Variants in TXNRD2 observed in about 807,000 individuals in gnomAD.
TXNRD2 encodes thioredoxin reductase 2.
TXNRD2 carries 67 observed loss-of-function variants against 70.8 expected under a neutral mutation model. The observed-to-expected ratio is 0.95, with a 90% confidence interval of 0.78 to 1.16. The LOEUF (loss-of-function observed/expected upper bound fraction) is 1.16, where lower values mean the gene tolerates loss of function less well. TXNRD2 is among the 50% of genes most tolerant of loss of function. The pLI, the probability that TXNRD2 is intolerant of heterozygous loss-of-function variation, is 0.00. For missense variants in TXNRD2, 644 were observed against 719.9 expected, an observed-to-expected ratio of 0.89 and a Z score of 1.21; for synonymous variants, 301 against 295.8, an observed-to-expected ratio of 1.02 and a Z score of -0.18.
chr22:19,905,644 G>T (rs1221158400), intron 8 of TXNRD2, among the ~76,000 whole-genome samples: 2 of 152,136 alleles, frequency 1.3e-5, no homozygotes, highest in African/African-American at 2.4e-5. Flanking sequence ...TCCTGGGGCT[G>T]CCAGACATCC....
intron 8 of TXNRD2, among the ~76,000 whole-genome samples, chr22:19,901,226 C>T (rs1939764266): frequency 6.6e-6 from 1 of 152,222 alleles, no homozygotes; most frequent in Admixed American, 6.5e-5. Flanking sequence ...ACTCTCCAGG[C>T]CCTCCCTCGG....
At chr22:19,886,121 G>A (rs1228248342) in intron 11 of TXNRD2, among the ~76,000 whole-genome samples, 1 of 152,264 alleles carries the variant, frequency 6.6e-6, no homozygotes, top group African/African-American at 2.4e-5. Context: ...CTTCGGGAAT[G>A]AACAGCAAAA....
At chr22:19,940,272 A>T (rs1941665269) in intron 1 of TXNRD2, among the ~76,000 whole-genome samples, 1 of 144,796 alleles carries the variant, frequency 6.9e-6, no homozygotes, top group African/African-American at 2.5e-5. Flanking sequence ...AAAAACCCCA[A>T]AAAAACAACT....
intron 7 of TXNRD2, among the ~76,000 whole-genome samples, chr22:19,913,772 A>C (rs1940514749): frequency 6.6e-6 from 1 of 152,194 alleles, no homozygotes; most frequent in Admixed American, 6.5e-5. Flanking sequence ...AGAAGCAGGA[A>C]GTGAAGGCTA....
Position 19,878,430 on chromosome 22 carries a change from T to C in TXNRD2, c.1283A>G (p.His428Arg). 1 of 1,613,456 alleles carries C rather than the reference T, an allele frequency of 6.2e-7. No homozygotes were observed. Among genetic ancestry groups the C allele is most frequent in the South Asian group, 1.1e-5 (1 of 91,080 alleles). ...GAACTCCAGTGGTTTATAATGGGCG[T>C]GATAGACCTGAGGACAGGATACCAA... ...RHGQEHVEVY[H>R]AHYKPLEFTV... Residue 428 changes from histidine to arginine, a missense_variant, in exon 15 of 18, where the codon CAC becomes CGC. By Grantham distance (29) the His-to-Arg change is conservative. This residue lies in a region of TXNRD2 where 566 missense variants were observed against 645.0 expected (regional missense o/e 0.88). Coordinates refer to ENST00000400521, the MANE Select transcript of TXNRD2 (RefSeq NM_006440.5).
intron 17 of TXNRD2, chr22:19,876,729 C>T: frequency 5.9e-6 from 1 of 170,412 alleles, no homozygotes; most frequent in Non-Finnish European, 1.2e-5. Flanking sequence ...CTTTAGCCCA[C>T]CCGGGACACC....
intron 1 of TXNRD2, 53 bp downstream of exon 1, chr22:19,941,648 G>A: frequency 7.1e-7 from 1 of 1,411,118 alleles, no homozygotes; most frequent in South Asian, 1.5e-5. Flanking sequence ...CCCTCACGAG[G>A]ACACCCCGGC....
chr22:19,892,614 G>A lies in TXNRD2; in HGVS notation c.949+2793C>T, dbSNP rs1939315607. ...CGGCTTTCCGGGGACACAGCCCCCG[G>A]CCCATTGGTCTGCTACATCCCTATG... On this transcript the variant is annotated intron_variant, in intron 11 of 17. Transcript: ENST00000400521. 2.0e-5 allele frequency among the ~76,000 whole-genome samples: 3 copies of A among 152,224 alleles called. No homozygotes were observed. In the South Asian group the frequency reaches 6.2e-4, roughly 31 times the overall value.
chr22:19,883,324 C>A lies in TXNRD2; in HGVS notation c.1086+1G>T. ...CCCTGGTCCCGGGACGCATGCCGTA[C>A]CTCCACCACGTCACCAATGGCGTAG... On this transcript the variant is annotated splice_donor_variant, in intron 12 of 17. Coordinates refer to ENST00000400521, the MANE Select transcript of TXNRD2 (RefSeq NM_006440.5). LOFTEE classifies it high-confidence loss of function. The A allele has an allele frequency of 1.2e-6, 2 of 1,613,384 alleles. No homozygotes were observed. Among genetic ancestry groups the A allele is most frequent in the Non-Finnish European group, 1.7e-6 (2 of 1,179,822 alleles).
At chr22:19,925,367 T>C (rs1430686022) in intron 2 of TXNRD2, among the ~76,000 whole-genome samples, 1 of 151,656 alleles carries the variant, frequency 6.6e-6, no homozygotes, top group Non-Finnish European at 1.5e-5. Context: ...CTGAGAGAAT[T>C]CATTACCCCC....
intron 15 of TXNRD2, 49 bp from the exon 16 acceptor site, chr22:19,878,236 G>GTCCACCCTGCA: frequency 6.3e-7 from 1 of 1,598,886 alleles, no homozygotes; most frequent in Middle Eastern, 1.7e-4. Flanking sequence ...GCTGGGTTGC[G>GTCCACCCTGCA]TCCACCCTGC....
chr22:19,875,565 G>A lies in TXNRD2; in HGVS notation c.*308C>T, dbSNP rs565361229. On this transcript the variant is annotated 3_prime_UTR_variant, in exon 18 of 18. Transcript: ENST00000400521. ...TTTATTTGCATTGCAGAAATGCCAG[G>A]GGGCTCGGACATGGGTGCCCACAGG... The A allele has an allele frequency of 1.2e-4, 19 of 152,374 alleles. No individual in the cohort carries two copies. In the East Asian group the frequency reaches 3.5e-3, roughly 28 times the overall value. 9.4% of individuals were successfully genotyped at this position (152,374 alleles called of 1,614,324 possible).
chr22:19,886,837 A>C (rs560512745), intron 11 of TXNRD2, among the ~76,000 whole-genome samples: 1 of 152,296 alleles, frequency 6.6e-6, no homozygotes, highest in South Asian at 2.1e-4. Context: ...CTGGGGTAGG[A>C]CAGGCACTCT....
Position 19,940,713 on chromosome 22 carries a change from T to C in TXNRD2, c.103+988A>G, listed in dbSNP as rs758824681. On this transcript the variant is annotated intron_variant, in intron 1 of 17. Coordinates refer to ENST00000400521, the MANE Select transcript of TXNRD2 (RefSeq NM_006440.5). ...CCAGCACGGGTGCATTTAACCTTCC[T>C]GAGCTTGCCCACCTGACGCATGCAG... is the stretch of plus-strand genomic sequence containing the variant. Among the ~76,000 whole-genome samples, 15 of 152,180 alleles carry C rather than the reference T, an allele frequency of 9.9e-5. 1 individual carries two copies. Among genetic ancestry groups the C allele is most frequent in the Non-Finnish European group, 1.3e-4 (9 of 68,028 alleles).
At chr22:19,925,094 C>G (rs923137256) in intron 2 of TXNRD2, among the ~76,000 whole-genome samples, 2 of 149,864 alleles carry the variant, frequency 1.3e-5, no homozygotes, top group African/African-American at 5.0e-5. Context: ...ACCATCCTGG[C>G]TAACACGGCG....
At chr22:19,926,094 C>T (rs1004952411) in intron 2 of TXNRD2, among the ~76,000 whole-genome samples, 3 of 146,922 alleles carry the variant, frequency 2.0e-5, no homozygotes, top group African/African-American at 7.6e-5. Context: ...ACCTGGGAGG[C>T]GGAGGTTGCG....
chr22:19,906,494 C>A (rs1281321817), intron 8 of TXNRD2, among the ~76,000 whole-genome samples: 1 of 151,974 alleles, frequency 6.6e-6, no homozygotes, highest in South Asian at 2.1e-4. Flanking sequence ...TGGTGGCGAG[C>A]GCCTGTAATC....
rs559713446 is a variant in TXNRD2 at position 19,890,202 on chromosome 22, G to A, written c.949+5205C>T. ...GTCTCAGGAGCAGCAGCGCACGCCC[G>A]GGGCCACGTGGTGTGGAGGGGAAGG... On this transcript the variant is annotated intron_variant, in intron 11 of 17. Coordinates refer to ENST00000400521, the MANE Select transcript of TXNRD2 (RefSeq NM_006440.5). Among the ~76,000 whole-genome samples the A allele has an allele frequency of 1.3e-4, 20 of 152,304 alleles. 1 individual carries two copies. In the East Asian group the frequency reaches 3.5e-3, roughly 27 times the overall value.
intron 11 of TXNRD2, among the ~76,000 whole-genome samples, chr22:19,885,099 C>T (rs373523634): frequency 6.6e-5 from 10 of 152,288 alleles, no homozygotes; most frequent in Admixed American, 1.3e-4. Context: ...GGAGAGAGGG[C>T]ACCGCATGGG....
Sources: gnomAD v4.1 joint callset for allele counts (sites outside exome capture counted in the v4.1 genomes callset) on GRCh38, gnomAD v4.1.1 for gene constraint, gnomAD v4.1.1 regional missense constraint, MANE v1.5 for transcripts, NCBI Gene and HGNC (gene_info 2026-07-23, HGNC 2026-07-21) for gene names.